KIAA1217: variants seen among roughly 807,000 people sequenced by gnomAD.
The protein encoded by KIAA1217 is KIAA1217.
A neutral mutation model predicts 163.9 loss-of-function variants in KIAA1217; 88 were observed. That is an observed-to-expected ratio of 0.54 (90% CI 0.45 to 0.64). The LOEUF is 0.64. Among genes scored for constraint, KIAA1217 ranks in the 30% least tolerant of loss-of-function variants. The probability of loss-of-function intolerance (pLI) is 0.00; values close to 1 mark genes in which losing one functional copy is unlikely to be tolerated. For synonymous variants in KIAA1217, 903 were observed against 923.1 expected, an observed-to-expected ratio of 0.98 and a Z score of 0.39; for missense variants, 2,372 against 2,475.0, an observed-to-expected ratio of 0.96 and a Z score of 0.88.
At chr10:24,339,414 A>T (rs73604469) in intron 2 of KIAA1217, among the ~76,000 whole-genome samples, 1 of 152,156 alleles carries the variant, frequency 6.6e-6, no homozygotes, top group African/African-American at 2.4e-5. Context: ...AGGAAATCCC[A>T]TGTCACCTCT....
chr10:23,955,249 A>G (rs970949652), intron 1 of KIAA1217, among the ~76,000 whole-genome samples: 10 of 152,204 alleles, frequency 6.6e-5, no homozygotes, highest in Admixed American at 1.3e-4. Context: ...GCTGCCCTCC[A>G]TTCACAAGAA....
intron 6 of KIAA1217, among the ~76,000 whole-genome samples, chr10:24,480,789 G>A (rs551220791): frequency 3.6e-4 from 55 of 152,274 alleles, no homozygotes; most frequent in African/African-American, 1.3e-3. Flanking sequence ...GGTGAGCAAG[G>A]GTGAGAGAAT....
At chr10:24,455,200 G>C (rs1041233239) in intron 5 of KIAA1217, among the ~76,000 whole-genome samples, 3 of 152,084 alleles carry the variant, frequency 2.0e-5, no homozygotes, top group Non-Finnish European at 4.4e-5. Context: ...TTTGAGACTA[G>C]AGCACAAAAA....
intron 2 of KIAA1217, among the ~76,000 whole-genome samples, chr10:24,027,253 T>C (rs1000429255): frequency 7.9e-5 from 12 of 152,110 alleles, no homozygotes; most frequent in African/African-American, 2.9e-4. Context: ...CTCCCTGCAC[T>C]ATGACCTGGA....
intron 1 of KIAA1217, among the ~76,000 whole-genome samples, chr10:23,869,124 GTTTTTTTTTTTTTTTTTT>G (rs58288361): frequency 3.2e-5 from 1 of 31,702 alleles, no homozygotes; most frequent in African/African-American, 1.2e-4. Context: ...ATGAAATGTA[GTTTTTTTTTTTTTTTTTT>G]TTTTTTTTTT....
At chr10:23,913,760 G>A (rs1211307635) in intron 1 of KIAA1217, among the ~76,000 whole-genome samples, 2 of 152,070 alleles carry the variant, frequency 1.3e-5, no homozygotes, top group Non-Finnish European at 2.9e-5. Context: ...AATATGACTT[G>A]TTCTCTCCCT....
intron 3 of KIAA1217, among the ~76,000 whole-genome samples, chr10:24,393,560 TC>T (rs1403552891): frequency 3.0e-4 from 45 of 152,210 alleles, no homozygotes; most frequent in Non-Finnish European, 5.3e-4. Context: ...GCCTACCCTC[TC>T]CCAAATTCAT....
At position 24,147,027 on chromosome 10, in the gene KIAA1217, A is replaced by C. The variant is rs1199455829; in HGVS notation, c.-170-72599A>C. Among the ~76,000 whole-genome samples the C allele has an allele frequency of 5.3e-5, 8 of 151,604 alleles. No homozygotes were observed. In the South Asian group the frequency reaches 8.4e-4, roughly 16 times the overall value. On this transcript the variant is annotated intron_variant, in intron 2 of 18. Transcript: ENST00000376462. ...TTGTTAAAAAAAAAAAAAAAAAAAA[A>C]AAAACAGTTCCCAGAGATTCTGATT...
intron 1 of KIAA1217, among the ~76,000 whole-genome samples, chr10:23,961,248 C>T (rs947663534): frequency 1.3e-5 from 2 of 152,194 alleles, no homozygotes; most frequent in African/African-American, 4.8e-5. Flanking sequence ...TGCTTTCTTG[C>T]AGTTGTATCC....
At chr10:24,441,137 C>G (rs758976566) in intron 5 of KIAA1217, among the ~76,000 whole-genome samples, 1 of 152,162 alleles carries the variant, frequency 6.6e-6, no homozygotes, top group Non-Finnish European at 1.5e-5. Context: ...TAGGGAACTC[C>G]GTCCTCCCTT....
At chr10:24,525,102 G>T (rs1354802792) in intron 13 of KIAA1217, among the ~76,000 whole-genome samples, 9 of 152,158 alleles carry the variant, frequency 5.9e-5, no homozygotes, top group African/African-American at 1.9e-4. Context: ...CAGAGTGGGT[G>T]CGTGCAGATC....
chr10:24,276,407 T>G (rs528837692), intron 2 of KIAA1217, among the ~76,000 whole-genome samples: 1 of 152,324 alleles, frequency 6.6e-6, no homozygotes, highest in South Asian at 2.1e-4. Flanking sequence ...CTTAGATAGC[T>G]GTTAATAAGA....
chr10:24,520,099 G>GTGC (rs2070862923), intron 10 of KIAA1217, 24 bp from the exon 11 acceptor site: 1 of 1,610,938 alleles, frequency 6.2e-7, no homozygotes, highest in Admixed American at 1.7e-5. Context: ...TCAGCTCTAT[G>GTGC]TGCTGGTGTC....
At chr10:24,500,923 T>TA (rs1481482521) in intron 8 of KIAA1217, among the ~76,000 whole-genome samples, 5 of 151,806 alleles carry the variant, frequency 3.3e-5, no homozygotes, top group Admixed American at 1.3e-4. Flanking sequence ...TTCTCAAAAA[T>TA]AAAAAATAGT....
At chr10:24,384,309 G>T (rs74940083) in intron 3 of KIAA1217, among the ~76,000 whole-genome samples, 5,577 of 151,838 alleles carry the variant, frequency 0.037, 350 homozygotes, top group African/African-American at 0.13. Flanking sequence ...TATTTTTTAG[G>T]AGCAATTTTT....
chr10:24,093,192 C>A (rs1378781963), intron 2 of KIAA1217, among the ~76,000 whole-genome samples: 1 of 151,066 alleles, frequency 6.6e-6, no homozygotes. Flanking sequence ...TTTTTTGAGA[C>A]GGAGTTTTAC....
chr10:24,477,319 T>C (rs2133191826), intron 6 of KIAA1217, among the ~76,000 whole-genome samples: 1 of 152,352 alleles, frequency 6.6e-6, no homozygotes, highest in African/African-American at 2.4e-5. Flanking sequence ...GTGAGATATG[T>C]ACTATCATCA....
intron 8 of KIAA1217, among the ~76,000 whole-genome samples, chr10:24,497,252 T>C (rs1001758649): frequency 2.6e-5 from 4 of 152,198 alleles, no homozygotes; most frequent in African/African-American, 7.2e-5. Context: ...TGGCTACTTA[T>C]GGAATGTGTA....
chr10:23,755,235 T>C (rs568378856), intron 1 of KIAA1217, among the ~76,000 whole-genome samples: 1 of 152,146 alleles, frequency 6.6e-6, no homozygotes, highest in Non-Finnish European at 1.5e-5. Flanking sequence ...TTGGAGCTTA[T>C]TGAGAGAAAT....
Sources: gnomAD v4.1 joint callset for allele counts (sites outside exome capture counted in the v4.1 genomes callset) on GRCh38, gnomAD v4.1.1 for gene constraint, MANE v1.5 for transcripts, NCBI Gene and HGNC (gene_info 2026-07-23, HGNC 2026-07-21) for gene names.